EPS8: variants seen among roughly 807,000 people sequenced by gnomAD.
EPS8 encodes EGFR pathway substrate 8, signaling adaptor, also known as epidermal growth factor receptor kinase substrate 8.
In EPS8, 42 loss-of-function variants were observed where a neutral mutation model predicts 103.8. That is an observed-to-expected ratio of 0.40 (90% confidence interval 0.32 to 0.52). The LOEUF is 0.52. Among genes scored for constraint, EPS8 ranks in the 20% least tolerant of loss-of-function variants. EPS8 has a pLI of 0.40. For synonymous variants in EPS8, 344 were observed against 344.6 expected (o/e 1.00, Z 0.02); for missense variants, 969 against 1,005.1 (o/e 0.96, Z 0.49).
chr12:15,628,224 A>T (rs1326217093), intron 18 of EPS8, among the ~76,000 whole-genome samples: 3 of 152,208 alleles, frequency 2.0e-5, no homozygotes, highest in Non-Finnish European at 4.4e-5. Flanking sequence ...ACTGTCAAAC[A>T]GCATATGAGT....
intron 13 of EPS8, among the ~76,000 whole-genome samples, 183 bp downstream of exon 13, chr12:15,653,962 T>C (rs1353876551): frequency 1.3e-5 from 2 of 152,344 alleles, no homozygotes; most frequent in African/African-American, 4.8e-5. Flanking sequence ...TCCTAAGGTA[T>C]ATCATGCCTT....
rs902722225 is a variant in EPS8 at position 15,784,548 on chromosome 12, A to C, written c.-22+4613T>G. Among the ~76,000 whole-genome samples, 7 of 152,180 alleles carry C rather than the reference A, an allele frequency of 4.6e-5. No homozygotes were observed. Among genetic ancestry groups the C allele is most frequent in the African/African-American group, 1.4e-4 (6 of 41,458 alleles). On this transcript the variant is annotated intron_variant, in intron 1 of 20. Coordinates refer to ENST00000281172, the MANE Select transcript of EPS8 (RefSeq NM_004447.6). This position sits in a 1 kb window ranked among gnomAD's most constrained non-coding sequence, Gnocchi z 4.0. ...CACATTCATTGCTGGTGAGAATGTA[A>C]TAGTACAGCCACTTCGGAAAACAGT...
intron 1 of EPS8, among the ~76,000 whole-genome samples, chr12:15,686,310 T>G (rs1946095213): frequency 6.6e-6 from 1 of 152,216 alleles, no homozygotes; most frequent in Non-Finnish European, 1.5e-5. Context: ...TATATGATCT[T>G]AGGTAGACAG....
chr12:15,741,026 G>A (rs60117643), intron 1 of EPS8, among the ~76,000 whole-genome samples: 3,086 of 152,204 alleles, frequency 0.02, 105 homozygotes, highest in African/African-American at 0.07. Context: ...TTCCCAGGCA[G>A]AATTGGACTG....
At position 15,725,785 on chromosome 12, in the gene EPS8, G is replaced by A. The variant is rs1946646836; in HGVS notation, c.-21-42813C>T. Among the ~76,000 whole-genome samples the A allele has an allele frequency of 6.6e-6, 1 of 152,124 alleles. No homozygotes were observed. Among genetic ancestry groups the A allele is most frequent in the East Asian group, 1.9e-4 (1 of 5,192 alleles). On this transcript the variant is annotated intron_variant, in intron 1 of 20. Transcript: ENST00000281172. The surrounding 1 kb of genome is among the most constrained non-coding windows in gnomAD (Gnocchi z 4.5). ...ATTTACAAGCTCTGTCAACATACAA[G>A]TTTTATTATATATTTATCAGATGTG...
intron 1 of EPS8, among the ~76,000 whole-genome samples, chr12:15,718,264 C>T (rs1946554894): frequency 6.6e-6 from 1 of 152,092 alleles, no homozygotes; most frequent in Non-Finnish European, 1.5e-5. Context: ...AAGGAGAAAA[C>T]CTATTTAATT....
rs74818754 is a variant in EPS8 at position 15,643,063 on chromosome 12, A to G, written c.1569-1233T>C. Among the ~76,000 whole-genome samples the G allele has an allele frequency of 1.4e-3, 220 of 152,324 alleles. 1 individual carries two copies. In the East Asian group the frequency reaches 0.039, roughly 27 times the overall value. On this transcript the variant is annotated intron_variant, in intron 15 of 20. Coordinates refer to ENST00000281172, the MANE Select transcript of EPS8 (RefSeq NM_004447.6). ...TAAAACTGTGTTCCATGGATTTCCC[A>G]TCCCTATCCCTACTGGAATAGCTCT...
Position 15,748,460 on chromosome 12 carries a change from T to G in EPS8, c.-22+40701A>C, listed in dbSNP as rs956436662. Among the ~76,000 whole-genome samples, 2 of 152,184 alleles carry G rather than the reference T, an allele frequency of 1.3e-5. No homozygotes were observed. The highest frequency in any genetic ancestry group is 4.8e-5 in the African/African-American group (2 of 41,432). On this transcript the variant is annotated intron_variant, in intron 1 of 20. Coordinates refer to ENST00000281172, the MANE Select transcript of EPS8 (RefSeq NM_004447.6). This position sits in a 1 kb window ranked among gnomAD's most constrained non-coding sequence, Gnocchi z 4.8. ...TCTGGGTTTTTACACATCTTGTTTT[T>G]TTTTAAAGTAGGACACACAAAACTC...
intron 18 of EPS8, among the ~76,000 whole-genome samples, 194 bp from the exon 19 acceptor site, chr12:15,624,601 T>C (rs1345363680): frequency 1.3e-5 from 2 of 152,202 alleles, no homozygotes; most frequent in Non-Finnish European, 2.9e-5. Context: ...GGCTCTTCTC[T>C]AGTCTCTTCA....
At chr12:15,645,773 A>G (rs1484653128) in intron 15 of EPS8, among the ~76,000 whole-genome samples, 1 of 151,980 alleles carries the variant, frequency 6.6e-6, no homozygotes, top group Admixed American at 6.6e-5. Flanking sequence ...CATCAATCAA[A>G]TAAATCTACA....
intron 1 of EPS8, among the ~76,000 whole-genome samples, chr12:15,730,401 C>CT (rs556614512): frequency 1.1e-4 from 16 of 151,194 alleles, no homozygotes; most frequent in Middle Eastern, 6.8e-3. Flanking sequence ...AAAAGCATGA[C>CT]TTTTTTTTTA....
In EPS8 at chr12:15,727,766, G is replaced by A. The variant is rs1392448911; in HGVS notation, c.-21-44794C>T. On this transcript the variant is annotated intron_variant, in intron 1 of 20. Coordinates refer to ENST00000281172, the MANE Select transcript of EPS8 (RefSeq NM_004447.6). This position sits in a 1 kb window ranked among gnomAD's most constrained non-coding sequence, Gnocchi z 4.3. ...CCAGCTACTCAGGAGGCTGAGGCAG[G>A]AGAATCACTCGAACCTGGGAGGTGG... Among the ~76,000 whole-genome samples the A allele has an allele frequency of 6.6e-6, 1 of 152,188 alleles. No individual in the cohort carries two copies. The highest frequency in any genetic ancestry group is 1.5e-5 in the Non-Finnish European group (1 of 68,042).
At chr12:15,630,354 A>G in intron 18 of EPS8, among the ~76,000 whole-genome samples, 1 of 152,304 alleles carries the variant, frequency 6.6e-6, no homozygotes, top group Non-Finnish European at 1.5e-5. Flanking sequence ...ATACGTTTAA[A>G]ACACCAAATT....
At chr12:15,650,712 G>A in intron 14 of EPS8, 111 bp downstream of exon 14, 1 of 912,686 alleles carries the variant, frequency 1.1e-6, no homozygotes, top group Non-Finnish European at 1.7e-6. Context: ...TTCAGACTTT[G>A]ATTCTAGAAC....
intron 11 of EPS8, 140 bp from the exon 12 acceptor site, chr12:15,658,293 T>C: frequency 2.9e-6 from 2 of 678,786 alleles, no homozygotes; most frequent in African/African-American, 1.8e-5. Flanking sequence ...AGAGTGAGAA[T>C]AGAAGTCATT....
At chr12:15,641,689 A>G (rs1313273339) in intron 16 of EPS8, 33 bp downstream of exon 16, 1 of 1,046,812 alleles carries the variant, frequency 9.6e-7, no homozygotes, top group Non-Finnish European at 1.4e-6. Flanking sequence ...AAACTACTTT[A>G]TTAAGAGTAT....
At chr12:15,647,988 G>A (rs1304381002) in intron 14 of EPS8, among the ~76,000 whole-genome samples, 1 of 152,214 alleles carries the variant, frequency 6.6e-6, no homozygotes, top group Non-Finnish European at 1.5e-5. Flanking sequence ...TAAGAAGCGT[G>A]CAACCTAGAT....
rs1946902869 is a variant in EPS8 at position 15,748,944 on chromosome 12, T to C, written c.-22+40217A>G. 6.6e-6 allele frequency among the ~76,000 whole-genome samples: 1 copy of C among 152,184 alleles called. No homozygotes were observed. Among genetic ancestry groups the C allele is most frequent in the Admixed American group, 6.5e-5 (1 of 15,286 alleles). On this transcript the variant is annotated intron_variant, in intron 1 of 20. Transcript: ENST00000281172. The surrounding 1 kb of genome is among the most constrained non-coding windows in gnomAD (Gnocchi z 4.8). ...TCTCTTCCTTTCATACCATAGAACA[T>C]CAGCACTTTATGTACTTGTCAAATG...
intron 13 of EPS8, among the ~76,000 whole-genome samples, chr12:15,651,588 A>G (rs1022017156): frequency 1.3e-5 from 2 of 152,232 alleles, no homozygotes; most frequent in African/African-American, 4.8e-5. Flanking sequence ...CTAATCTGTA[A>G]TCACAATCAT....
Sources: gnomAD v4.1 joint callset for allele counts (sites outside exome capture counted in the v4.1 genomes callset) on GRCh38, gnomAD v4.1.1 for gene constraint, Gnocchi (gnomAD v3.1) non-coding constraint, MANE v1.5 for transcripts, NCBI Gene and HGNC (gene_info 2026-07-23, HGNC 2026-07-21) for gene names.